RANBP2: variants seen among roughly 807,000 people sequenced by gnomAD.
RANBP2 encodes RAN binding protein 2.
A neutral mutation model predicts 303.6 loss-of-function variants in RANBP2; 57 were observed. That is an observed-to-expected ratio of 0.19 (90% CI 0.15 to 0.23). RANBP2 has a LOEUF of 0.23. Ranked by LOEUF, RANBP2 falls within the 10% of genes least tolerant of loss-of-function variation. The pLI is 1.00. For synonymous variants in RANBP2, 1,167 were observed against 1,301.5 expected (o/e 0.90, Z 2.23); for missense variants, 3,138 against 3,780.8 (o/e 0.83, Z 4.46).
the RANBP2 span, among the ~76,000 whole-genome samples, chr2:109,176,813 T>C: frequency 6.6e-6 from 1 of 152,126 alleles, no homozygotes; most frequent in African/African-American, 2.4e-5. Flanking sequence ...AGCCGTGAAC[T>C]TTATCTTATG....
the RANBP2 span, among the ~76,000 whole-genome samples, chr2:109,339,175 G>A: frequency 6.6e-6 from 1 of 151,558 alleles, no homozygotes; most frequent in Admixed American, 6.6e-5. Flanking sequence ...GGACGGGTAG[G>A]CAGAGAAGGG....
the RANBP2 span, among the ~76,000 whole-genome samples, chr2:109,098,945 CT>C: frequency 1.3e-5 from 2 of 152,170 alleles, no homozygotes; most frequent in Non-Finnish European, 2.9e-5. Context: ...TTGTTGTCAA[CT>C]GAAGAATCAT....
the RANBP2 span, among the ~76,000 whole-genome samples, chr2:109,688,781 TAAAAAAAAAAAA>T: frequency 2.3e-5 from 1 of 43,740 alleles, no homozygotes; most frequent in Non-Finnish European, 4.5e-5. Flanking sequence ...TCTGTCTCAA[TAAAAAAAAAAAA>T]AAAAAAAAAA....
At chr2:108,964,991 C>T in the RANBP2 span, among the ~76,000 whole-genome samples, 13 of 152,096 alleles carry the variant, frequency 8.5e-5, no homozygotes, top group Non-Finnish European at 1.6e-4. Context: ...AGACTCTCTT[C>T]AATAGCACAA....
chr2:109,402,094 G>A, the RANBP2 span, among the ~76,000 whole-genome samples: 1 of 152,256 alleles, frequency 6.6e-6, no homozygotes, highest in Non-Finnish European at 1.5e-5. Flanking sequence ...TGGTGCAGGT[G>A]TGAGCTGTGT....
chr2:109,084,300 GA>G, the RANBP2 span, among the ~76,000 whole-genome samples: 4 of 152,320 alleles, frequency 2.6e-5, no homozygotes, highest in Non-Finnish European at 1.5e-5. Context: ...AAACATCTAG[GA>G]AAATCTTCAC....
the RANBP2 span, among the ~76,000 whole-genome samples, chr2:109,436,192 T>TC: frequency 6.6e-6 from 1 of 152,118 alleles, no homozygotes; most frequent in Non-Finnish European, 1.5e-5. Flanking sequence ...GACATTTAAT[T>TC]CCCCTGAAAC....
chr2:108,959,825 GTC>G, the RANBP2 span, among the ~76,000 whole-genome samples: 1 of 152,176 alleles, frequency 6.6e-6, no homozygotes, highest in Non-Finnish European at 1.5e-5. Context: ...TTTTCCACAG[GTC>G]TCTCAAGAAA....
the RANBP2 span, among the ~76,000 whole-genome samples, chr2:108,928,749 A>G: frequency 2.0e-5 from 3 of 152,278 alleles, no homozygotes. Context: ...CTTTTTGAAG[A>G]CTTCTGATGC....
At chr2:108,990,373 G>C in the RANBP2 span, among the ~76,000 whole-genome samples, 1,104 of 149,626 alleles carry the variant, frequency 7.4e-3, 8 homozygotes, top group Middle Eastern at 0.024. Context: ...GGAGCTTGCA[G>C]TGAGCCGAGA....
At chr2:109,662,239 G>T in the RANBP2 span, among the ~76,000 whole-genome samples, 1 of 152,046 alleles carries the variant, frequency 6.6e-6, no homozygotes, top group Admixed American at 6.6e-5. Flanking sequence ...GACCTGCATT[G>T]CAGTCTGAAA....
At chr2:108,845,860 C>T in the RANBP2 span, among the ~76,000 whole-genome samples, 3 of 152,110 alleles carry the variant, frequency 2.0e-5, no homozygotes, top group Admixed American at 6.5e-5. Flanking sequence ...CGTGAGCCAC[C>T]GCGCCCAGCC....
the RANBP2 span, chr2:109,565,612 C>T: frequency 2.6e-5 from 17 of 663,590 alleles, no homozygotes; most frequent in East Asian, 1.1e-4. Flanking sequence ...AGGCTCTACA[C>T]GGCCTCCAGA....
In RANBP2 at chr2:108,766,833, C is replaced by G. The variant is rs752664689; in HGVS notation, c.6294C>G (p.Leu2098=). 6.2e-7 allele frequency: 1 copy of G among 1,611,902 alleles called. No individual in the cohort carries two copies. Among genetic ancestry groups the G allele is most frequent in the Non-Finnish European group, 8.5e-7 (1 of 1,179,870 alleles). Residue 2098 remains leucine (L), a synonymous_variant, in exon 20 of 29, where the codon CTC becomes CTG. Coordinates refer to ENST00000283195, the MANE Select transcript of RANBP2 (RefSeq NM_006267.5). ...WITTTMNLKP[L]SGSDRAWMWL... is the part of the protein sequence containing the mutation. The stretch of plus-strand genomic sequence containing the variant: ...CGACTACGATGAACCTGAAGCCTCT[C>G]TCTGGATCAGATAGAGCATGGATGT...
the RANBP2 span, among the ~76,000 whole-genome samples, chr2:109,454,389 A>G: frequency 1.3e-5 from 2 of 151,942 alleles, no homozygotes; most frequent in Non-Finnish European, 2.9e-5. Flanking sequence ...TCCTGTCTGG[A>G]TTGGGTGGTT....
chr2:109,520,773 C>A, the RANBP2 span, among the ~76,000 whole-genome samples: 4,425 of 135,464 alleles, frequency 0.033, 508 homozygotes, highest in African/African-American at 0.11. Flanking sequence ...TCTACTAAAA[C>A]TACAAAAATT....
At chr2:109,388,303 A>G in the RANBP2 span, among the ~76,000 whole-genome samples, 1 of 152,330 alleles carries the variant, frequency 6.6e-6, no homozygotes, top group South Asian at 2.1e-4. Flanking sequence ...TAGTTGCAGC[A>G]TGCCTGTTCT....
At chr2:109,501,712 C>T in the RANBP2 span, 205 of 719,728 alleles carry the variant, frequency 2.8e-4, 1 homozygote, top group Admixed American at 3.8e-3. Flanking sequence ...AGGGGGAGGC[C>T]GCCTGGGAAG....
the RANBP2 span, among the ~76,000 whole-genome samples, chr2:109,209,622 G>A: frequency 2.0e-5 from 3 of 152,140 alleles, no homozygotes; most frequent in Non-Finnish European, 4.4e-5. Context: ...TGTAGGTGGG[G>A]AGGAAAGGGA....
Sources: gnomAD v4.1 joint callset for allele counts (sites outside exome capture counted in the v4.1 genomes callset) on GRCh38, gnomAD v4.1.1 for gene constraint, MANE v1.5 for transcripts, NCBI Gene and HGNC (gene_info 2026-07-23, HGNC 2026-07-21) for gene names.